EPHA3: variants seen among roughly 807,000 people sequenced by gnomAD.
EPHA3 encodes EPH receptor A3.
EPHA3 carries 42 observed loss-of-function variants against 107.1 expected under a neutral mutation model. That is an observed-to-expected ratio of 0.39 (90% CI 0.31 to 0.51). The LOEUF is 0.51. Ranked by LOEUF, EPHA3 falls within the 20% of genes least tolerant of loss-of-function variation. The probability of loss-of-function intolerance (pLI) is 0.78; values close to 1 mark genes in which losing one functional copy is unlikely to be tolerated. For synonymous variants in EPHA3, 461 were observed against 424.8 expected, an observed-to-expected ratio of 1.09 and a Z score of -1.05; for missense variants, 1,183 against 1,211.2, an observed-to-expected ratio of 0.98 and a Z score of 0.35.
rs184285896 is a variant in EPHA3 at position 89,379,654 on chromosome 3, T to C, written c.1307-16183T>C. Among the ~76,000 whole-genome samples the C allele has an allele frequency of 1.4e-3, 206 of 152,316 alleles. 1 individual carries two copies. Among genetic ancestry groups the C allele is most frequent in the South Asian group, 0.011 (52 of 4,826 alleles). On this transcript the variant is annotated intron_variant, in intron 5 of 16. Transcript: ENST00000336596. ...AGACTGTGCTCTTTAAGAGTACGCC[T>C]ATGTTACAAATAAGTTTCTGGTATC...
chr3:89,192,052 C>T (rs1261740142), intron 2 of EPHA3, among the ~76,000 whole-genome samples: 2 of 152,108 alleles, frequency 1.3e-5, no homozygotes, highest in African/African-American at 4.8e-5. Context: ...TCCCTGTCTT[C>T]ATCTTTTGAA....
At chr3:89,448,587 A>C (rs1709924883) in intron 13 of EPHA3, among the ~76,000 whole-genome samples, 1 of 152,184 alleles carries the variant, frequency 6.6e-6, no homozygotes, top group African/African-American at 2.4e-5. Flanking sequence ...CTGGGAATGT[A>C]ATTATTATGT....
chr3:89,190,118 A>G (rs956795590), intron 2 of EPHA3, among the ~76,000 whole-genome samples: 12 of 152,194 alleles, frequency 7.9e-5, no homozygotes, highest in African/African-American at 2.7e-4. Context: ...TAAAAGCTGC[A>G]CCTGCTTCTT....
rs560632017 is a variant in EPHA3, at chr3:89,418,324, G to A, written c.1889-881G>A. On this transcript the variant is annotated intron_variant, in intron 10 of 16. Coordinates refer to ENST00000336596, the MANE Select transcript of EPHA3 (RefSeq NM_005233.6). ...AGGACATTCTATAGAACTCCCATGT[G>A]GCAATCATCATGGCAGCATGGGTAC... Among the ~76,000 whole-genome samples the A allele has an allele frequency of 4.0e-5, 6 of 151,446 alleles. No individual in the cohort carries two copies. The Admixed American group carries it at 4.0e-4, about 10-fold the overall frequency.
At chr3:89,189,548 G>A (rs1705652475) in intron 2 of EPHA3, among the ~76,000 whole-genome samples, 2 of 152,136 alleles carry the variant, frequency 1.3e-5, no homozygotes, top group South Asian at 4.1e-4. Context: ...AGCCCAGATT[G>A]CGCCACTGTA....
intron 16 of EPHA3, among the ~76,000 whole-genome samples, chr3:89,477,128 A>C (rs1710531900): frequency 6.6e-6 from 1 of 152,156 alleles, no homozygotes; most frequent in African/African-American, 2.4e-5. Context: ...AGGTAGATTC[A>C]TGGTATGTTT....
chr3:89,369,334 G>A (rs1708247608), intron 5 of EPHA3, among the ~76,000 whole-genome samples: 1 of 150,710 alleles, frequency 6.6e-6, no homozygotes. Context: ...AGAGCCCTCA[G>A]AAATAATGCC....
intron 5 of EPHA3, among the ~76,000 whole-genome samples, chr3:89,351,387 C>G (rs1367572125): frequency 6.7e-6 from 1 of 149,612 alleles, no homozygotes; most frequent in Admixed American, 6.7e-5. Flanking sequence ...TTTCCAGGTG[C>G]GTCCGTCACC....
At chr3:89,270,377 A>T (rs2107296692) in intron 3 of EPHA3, among the ~76,000 whole-genome samples, 1 of 152,116 alleles carries the variant, frequency 6.6e-6, no homozygotes, top group Non-Finnish European at 1.5e-5. Flanking sequence ...ACTTCCACGC[A>T]CTGTCTACTC....
At chr3:89,229,733 A>G (rs1453261454) in intron 3 of EPHA3, among the ~76,000 whole-genome samples, 1 of 151,884 alleles carries the variant, frequency 6.6e-6, no homozygotes, top group Admixed American at 6.6e-5. Context: ...AAAAATATAA[A>G]TCCTTAGCAT....
At chr3:89,110,810 G>T (rs1388359251) in intron 1 of EPHA3, among the ~76,000 whole-genome samples, 1 of 151,992 alleles carries the variant, frequency 6.6e-6, no homozygotes, top group Non-Finnish European at 1.5e-5. Flanking sequence ...GTTAAAACTG[G>T]ATATAAAATA....
At chr3:89,426,032 T>G (rs1363319097) in intron 11 of EPHA3, among the ~76,000 whole-genome samples, 1 of 151,716 alleles carries the variant, frequency 6.6e-6, no homozygotes, top group Non-Finnish European at 1.5e-5. Flanking sequence ...GCAAATTTTG[T>G]TTTGCTCATT....
intron 5 of EPHA3, among the ~76,000 whole-genome samples, chr3:89,389,274 C>T (rs1338145031): frequency 6.6e-6 from 1 of 152,092 alleles, no homozygotes; most frequent in African/African-American, 2.4e-5. Context: ...GAAGTGTTCA[C>T]TTCTGAAAAA....
intron 2 of EPHA3, among the ~76,000 whole-genome samples, chr3:89,207,894 C>T (rs955392321): frequency 6.6e-6 from 1 of 152,034 alleles, no homozygotes; most frequent in Non-Finnish European, 1.5e-5. Flanking sequence ...AAGAGACCTG[C>T]CTAAAATTTA....
chr3:89,309,289 C>T (rs183555662), intron 3 of EPHA3, among the ~76,000 whole-genome samples: 1 of 152,198 alleles, frequency 6.6e-6, no homozygotes, highest in Admixed American at 6.6e-5. Flanking sequence ...ATTGTTACAT[C>T]AGCATTTTGA....
At chr3:89,252,514 T>TTGA (rs1705187414) in intron 3 of EPHA3, among the ~76,000 whole-genome samples, 2 of 152,212 alleles carry the variant, frequency 1.3e-5, no homozygotes, top group East Asian at 3.9e-4. Context: ...GAGGATCTCT[T>TTGA]ACCCCAGGGG....
At chr3:89,468,027 T>A (rs1174582489) in intron 15 of EPHA3, among the ~76,000 whole-genome samples, 1 of 152,136 alleles carries the variant, frequency 6.6e-6, no homozygotes, top group East Asian at 1.9e-4. Flanking sequence ...AAAACGCCAA[T>A]GCCTGCAGCT....
intron 3 of EPHA3, among the ~76,000 whole-genome samples, chr3:89,264,215 G>A (rs568766587): frequency 2.2e-4 from 33 of 152,264 alleles, no homozygotes; most frequent in African/African-American, 7.7e-4. Flanking sequence ...TCTTAAATGA[G>A]CTATCTGCTT....
At chr3:89,424,909 C>A (rs1342833829) in intron 11 of EPHA3, among the ~76,000 whole-genome samples, 1 of 151,274 alleles carries the variant, frequency 6.6e-6, no homozygotes, top group African/African-American at 2.4e-5. Context: ...GTAAAGCATT[C>A]TATGTGTTAG....
Sources: gnomAD v4.1 joint callset for allele counts (sites outside exome capture counted in the v4.1 genomes callset) on GRCh38, gnomAD v4.1.1 for gene constraint, MANE v1.5 for transcripts, NCBI Gene and HGNC (gene_info 2026-07-23, HGNC 2026-07-21) for gene names.